FBN3: variants seen among roughly 807,000 people sequenced by gnomAD.
FBN3 encodes the protein fibrillin 3.
In FBN3, 234 loss-of-function variants were observed where a neutral mutation model predicts 330.1. The observed-to-expected ratio is 0.71, with a 90% CI of 0.64 to 0.79. The LOEUF (loss-of-function observed/expected upper bound fraction) is 0.79, where lower values mean the gene tolerates loss of function less well. FBN3 is among the 30% of genes least tolerant of loss of function. The probability of loss-of-function intolerance (pLI) is 0.00; values close to 1 mark genes in which losing one functional copy is unlikely to be tolerated. For missense variants in FBN3, 3,606 were observed against 3,886.9 expected (o/e 0.93, Z 1.92); for synonymous variants, 1,458 against 1,517.3 (o/e 0.96, Z 0.91).
chr19:8,101,216 C>A (rs557841540), intron 40 of FBN3, among the ~76,000 whole-genome samples: 1 of 152,284 alleles, frequency 6.6e-6, no homozygotes, highest in South Asian at 2.1e-4. Flanking sequence ...CCTTAACCTC[C>A]CAGGTTCAGG....
intron 63 of FBN3, among the ~76,000 whole-genome samples, chr19:8,071,673 G>A (rs575303106): frequency 6.6e-6 from 1 of 152,204 alleles, no homozygotes; most frequent in Admixed American, 6.5e-5. Context: ...GAGGTGAGGG[G>A]GTGACAGATT....
chr19:8,084,847 C>A (rs903684254), intron 56 of FBN3, among the ~76,000 whole-genome samples: 2 of 151,834 alleles, frequency 1.3e-5, no homozygotes, highest in African/African-American at 4.8e-5. Flanking sequence ...CTCAGCCTCC[C>A]AAAGTGCTGG....
In FBN3 at chr19:8,066,009, G is replaced by A; in HGVS notation, c.8340C>T (p.His2780=). 1 of 1,613,018 alleles carries A rather than the reference G, an allele frequency of 6.2e-7. No individual in the cohort carries two copies. The highest frequency in any genetic ancestry group is 8.5e-7 in the Non-Finnish European group (1 of 1,180,002). ...GCTGGACACCCCAGGGTCCTGCCAT[G>A]TGGCTCACCACCTCCAGCCGGTAGG... ...PGTYRLEVVS[H]MAGPWGVQPE... The change falls in exon 64 of 64, where the codon CAC becomes CAT. Residue 2780 remains histidine (H), a synonymous_variant. Transcript: ENST00000600128.
chr19:8,143,649 A>G (rs1477959074), intron 6 of FBN3, among the ~76,000 whole-genome samples: 4 of 150,662 alleles, frequency 2.7e-5, no homozygotes, highest in Admixed American at 2.6e-4. Context: ...TACCACACCC[A>G]GTTACATTTT....
At chr19:8,148,831 C>T (rs550527069) in intron 1 of FBN3, 1 of 152,480 alleles carries the variant, frequency 6.6e-6, no homozygotes, top group African/African-American at 2.4e-5. Context: ...CCCTCTTTTT[C>T]TTCTCAGTTG....
intron 38 of FBN3, among the ~76,000 whole-genome samples, chr19:8,103,923 G>T (rs1368189295): frequency 6.6e-6 from 1 of 151,884 alleles, no homozygotes; most frequent in East Asian, 1.9e-4. Context: ...GATCATTTGA[G>T]CCCGGAGTTC....
intron 7 of FBN3, 31 bp from the exon 8 acceptor site, chr19:8,141,873 G>A (rs773460099): frequency 6.2e-7 from 1 of 1,612,888 alleles, no homozygotes; most frequent in South Asian, 1.1e-5. Flanking sequence ...AGGGGAGTGA[G>A]AGGCCCATCG....
In FBN3 at chr19:8,086,227, G is replaced by C. The variant is rs2081954579; in HGVS notation, c.6853C>G (p.Pro2285Ala). The change falls in exon 55 of 64, where the codon CCC becomes GCC. Residue 2285 changes from proline (P) to alanine (A), a missense_variant. By Grantham distance (27) the Pro-to-Ala change is conservative. Coordinates refer to ENST00000600128, the MANE Select transcript of FBN3 (RefSeq NM_032447.5). ...TGGCACTCGGTAAGGGTGGGGCTGG[G>C]CTGGAATCCCTCATCACAGTCGCAC... ...FRCDCDEGFQ[P>A]SPTLTECHDI... is the part of the protein sequence containing the mutation. 6.2e-7 allele frequency: 1 copy of C among 1,610,868 alleles called. No individual in the cohort carries two copies. The highest frequency in any genetic ancestry group is 1.3e-5 in the African/African-American group (1 of 74,608).
intron 13 of FBN3, 26 bp downstream of exon 13, chr19:8,135,935 T>TCG: frequency 2.2e-6 from 3 of 1,344,150 alleles, no homozygotes; most frequent in Admixed American, 4.7e-5. Context: ...CGGAAGCCCC[T>TCG]GCCCACCCGC....
chr19:8,120,165 C>CTTTTTTTTTTTTTTTTTTTTTTTT (rs34799960), intron 25 of FBN3, among the ~76,000 whole-genome samples: 1 of 127,922 alleles, frequency 7.8e-6, no homozygotes, highest in Non-Finnish European at 1.6e-5. Flanking sequence ...TTCTTTCTTT[C>CTTTTTTTTTTTTTTTTTTTTTTTT]TTTTTTTTTT....
Position 8,109,175 on chromosome 19 carries a change from C to A in FBN3, c.4618+52G>T. 1 of 1,573,922 alleles carries A rather than the reference C, an allele frequency of 6.4e-7. No homozygotes were observed. ...TTAGCAGAGGTGACCCCCTAAGCTC[C>A]CGGGCCTCGGTGGCTTAGGTCACGG... On this transcript the variant is annotated intron_variant, in intron 36 of 63. Transcript: ENST00000600128. This position sits in a 1 kb window ranked among gnomAD's most constrained non-coding sequence, Gnocchi z 5.2.
intron 37 of FBN3, among the ~76,000 whole-genome samples, chr19:8,107,829 T>C (rs949400353): frequency 6.7e-6 from 1 of 150,286 alleles, no homozygotes; most frequent in Non-Finnish European, 1.5e-5. Flanking sequence ...GATGGATAGA[T>C]GGATGAATGG....
At position 8,065,804 on chromosome 19, in the gene FBN3, C is replaced by G; in HGVS notation, c.*115G>C. The G allele has an allele frequency of 1.1e-6, 1 of 918,638 alleles. No homozygotes were observed. The highest frequency in any genetic ancestry group is 1.6e-6 in the Non-Finnish European group (1 of 613,976). The allele number at this position is 918,638 out of a possible 1,614,324, so 56.9% of individuals were successfully genotyped here. On this transcript the variant is annotated 3_prime_UTR_variant, in exon 64 of 64. Coordinates refer to ENST00000600128, the MANE Select transcript of FBN3 (RefSeq NM_032447.5). The stretch of plus-strand genomic sequence containing the variant: ...CCTGAGGTTGTCGTGTAGCATTTCA[C>G]TCTTCCTGAGTTTCGGGGTTCAATC...
rs2083496215 is a variant in FBN3, at chr19:8,144,894, C to G, written c.524G>C (p.Gly175Ala). The G allele has an allele frequency of 1.2e-6, 2 of 1,610,530 alleles. No homozygotes were observed. Among genetic ancestry groups the G allele is most frequent in the Non-Finnish European group, 1.7e-6 (2 of 1,178,870 alleles). ...CTTGGTACCTCTCTCACATTGAGGTCCCATGAAGCCATACACACAGGCGCA... is the reference window on the plus strand; with the variant it reads ...CTTGGTACCTCTCTCACATTGAGGTGCCATGAAGCCATACACACAGGCGCA... ...NRCACVYGFM[G>A]PQCERDYRTG... Residue 175 changes from glycine to alanine, a missense_variant, in exon 6 of 64, where the codon GGA becomes GCA. Coordinates refer to ENST00000600128, the MANE Select transcript of FBN3 (RefSeq NM_032447.5).
rs765318439 is a variant in FBN3 at position 8,129,084 on chromosome 19, T to C, written c.2240A>G (p.Tyr747Cys). ...NGWCQNSPGSYSCSCPPGFHF... is the reference protein window; with the variant it reads ...NGWCQNSPGSCSCSCPPGFHF... ...GAAGCCGGGGGGGCAGGAGCAGCTG[T>C]AGCTGCCAGGGCTATTCTGGCACCA... The change falls in exon 18 of 64, where the codon TAC (tyrosine) becomes TGC (cysteine). Residue 747 changes from tyrosine to cysteine, a missense_variant. Transcript: ENST00000600128. This position sits in a 1 kb window ranked among gnomAD's most constrained non-coding sequence, Gnocchi z 4.5. The C allele has an allele frequency of 1.9e-6, 3 of 1,613,076 alleles. No individual in the cohort carries two copies. Among genetic ancestry groups the C allele is most frequent in the East Asian group, 2.2e-5 (1 of 44,642 alleles).
chr19:8,110,615 G>C (rs1441171726), intron 34 of FBN3, among the ~76,000 whole-genome samples: 1 of 152,210 alleles, frequency 6.6e-6, no homozygotes, highest in African/African-American at 2.4e-5. Context: ...AGAGGTAGGA[G>C]ACCCTTTCAG....
At chr19:8,122,898 C>T (rs1054548966) in intron 24 of FBN3, among the ~76,000 whole-genome samples, 5 of 147,938 alleles carry the variant, frequency 3.4e-5, no homozygotes, top group African/African-American at 1.2e-4. Flanking sequence ...CTCCTGACAT[C>T]GTGATCCGCC....
rs1329473228 is a variant in FBN3, at chr19:8,096,638, C to T, written c.5414-69G>A. The T allele has an allele frequency of 2.0e-6, 3 of 1,528,456 alleles. No individual in the cohort carries two copies. Among genetic ancestry groups the T allele is most frequent in the East Asian group, 4.5e-5 (2 of 44,158 alleles). The allele number at this position is 1,528,456 out of a possible 1,614,324, so 94.7% of individuals were successfully genotyped here. ...GTGTTTGCCTGAGCTCTCCCTACTG[C>T]AATGGGGAAGCCAGAATCTGCCTTG... On this transcript the variant is annotated intron_variant, in intron 43 of 63. Coordinates refer to ENST00000600128, the MANE Select transcript of FBN3 (RefSeq NM_032447.5). The surrounding 1 kb of genome is among the most constrained non-coding windows in gnomAD (Gnocchi z 4.6).
At position 8,096,773 on chromosome 19, in the gene FBN3, C is replaced by G. The variant is rs1340303064; in HGVS notation, c.5413+108G>C. On this transcript the variant is annotated intron_variant, in intron 43 of 63. Transcript: ENST00000600128. This position sits in a 1 kb window ranked among gnomAD's most constrained non-coding sequence, Gnocchi z 4.6. ...ACACTCTCAATACATCCCCCACCCC[C>G]CTAATAGTATAGAAAAGGAGAAAGA... 1.5e-5 allele frequency: 21 copies of G among 1,386,690 alleles called. No homozygotes were observed. The highest frequency in any genetic ancestry group is 5.0e-4 in the Middle Eastern group (2 of 3,982). 85.9% of individuals were successfully genotyped at this position (1,386,690 alleles called of 1,614,324 possible). A position where few individuals can be genotyped will look rare whatever the true frequency, so the allele number is the denominator to read the frequency against.
Sources: allele counts gnomAD v4.1 joint callset (sites outside exome capture counted in the v4.1 genomes callset), GRCh38; gene constraint gnomAD v4.1.1; non-coding constraint Gnocchi (gnomAD v3.1); transcripts MANE v1.5; gene names NCBI Gene and HGNC (gene_info 2026-07-23, HGNC 2026-07-21).